Variants in PDE10A observed in about 807,000 individuals in gnomAD.
PDE10A encodes phosphodiesterase 10A.
Under a neutral mutation model 97.7 loss-of-function variants are expected in PDE10A, and 39 were observed. The observed-to-expected ratio is 0.40, with a 90% CI of 0.31 to 0.52. The LOEUF (loss-of-function observed/expected upper bound fraction) is 0.52. Among genes scored for constraint, PDE10A ranks in the 20% least tolerant of loss-of-function variants. The pLI, the probability that PDE10A is intolerant of heterozygous loss-of-function variation, is 0.56. For synonymous variants in PDE10A, 371 were observed against 376.8 expected (o/e 0.98, Z 0.18); for missense variants, 731 against 1,047.8 (o/e 0.70, Z 4.17).
intron 1 of PDE10A, among the ~76,000 whole-genome samples, chr6:165,835,880 T>G (rs1028846607): frequency 6.6e-6 from 1 of 152,150 alleles, no homozygotes; most frequent in African/African-American, 2.4e-5. Flanking sequence ...ATCATTTTTG[T>G]GGGTCAGAAA....
chr6:165,972,156 G>A (rs551061044), intron 1 of PDE10A, among the ~76,000 whole-genome samples: 1 of 152,342 alleles, frequency 6.6e-6, no homozygotes, highest in South Asian at 2.1e-4. Flanking sequence ...AGAATTAGGT[G>A]TGAAAAGTTT....
chr6:165,722,446 A>G (rs567334636), intron 1 of PDE10A, among the ~76,000 whole-genome samples: 2 of 152,266 alleles, frequency 1.3e-5, no homozygotes, highest in African/African-American at 4.8e-5. Context: ...CATGGATAGC[A>G]ACAAATCCTG....
At chr6:165,377,128 C>T (rs968252167) in intron 18 of PDE10A, among the ~76,000 whole-genome samples, 1 of 152,252 alleles carries the variant, frequency 6.6e-6, no homozygotes, top group Admixed American at 6.5e-5. Context: ...GATGTTATTG[C>T]ATACTTAGTA....
intron 1 of PDE10A, among the ~76,000 whole-genome samples, chr6:165,614,746 T>C (rs1037538960): frequency 1.3e-5 from 2 of 151,862 alleles, no homozygotes; most frequent in African/African-American, 4.8e-5. Flanking sequence ...GCTGATTAAA[T>C]GGCACAAAAT....
intron 13 of PDE10A, among the ~76,000 whole-genome samples, chr6:165,401,173 C>T (rs1006579093): frequency 1.3e-5 from 2 of 152,162 alleles, no homozygotes; most frequent in Admixed American, 1.3e-4. Context: ...TATCAATAAA[C>T]CTCAGTGAAA....
At chr6:165,798,020 C>A (rs1778875573) in intron 1 of PDE10A, among the ~76,000 whole-genome samples, 1 of 152,094 alleles carries the variant, frequency 6.6e-6, no homozygotes, top group Non-Finnish European at 1.5e-5. Flanking sequence ...AGTAATTTTG[C>A]CCTTTGTTTT....
intron 1 of PDE10A, among the ~76,000 whole-genome samples, chr6:165,835,318 C>T (rs764482380): frequency 2.6e-5 from 4 of 152,366 alleles, no homozygotes; most frequent in Middle Eastern, 3.4e-3. Context: ...TTCCTTTATA[C>T]GGATGGGCTT....
At position 165,774,713 on chromosome 6, in the gene PDE10A, C is replaced by T. The variant is rs74471526; in HGVS notation, c.-615+212816G>A. 2.0e-3 allele frequency: 295 copies of T among 149,530 alleles called. 1 individual carries two copies. The highest frequency in any genetic ancestry group is 6.9e-3 in the African/African-American group (285 of 41,018). 9.3% of individuals were successfully genotyped at this position (149,530 alleles called of 1,614,324 possible). A position where few individuals can be genotyped will look rare whatever the true frequency, so the allele number is the denominator to read the frequency against. ...GAAGGGCTGGGATGCTGAATCAGAT[C>T]TCTGATGCTACCAAGATTATTTTCT... On this transcript the variant is annotated intron_variant, in intron 1 of 19. Transcript: ENST00000366882.
intron 1 of PDE10A, among the ~76,000 whole-genome samples, chr6:165,759,938 C>T (rs530077715): frequency 6.6e-6 from 1 of 152,112 alleles, no homozygotes; most frequent in Non-Finnish European, 1.5e-5. Flanking sequence ...TTTTATGTTT[C>T]TTTTCCACTC....
chr6:165,617,695 A>T (rs1023223622), intron 1 of PDE10A, among the ~76,000 whole-genome samples: 3 of 152,146 alleles, frequency 2.0e-5, no homozygotes, highest in African/African-American at 7.2e-5. Context: ...AGACTAGGAA[A>T]GTCCCAGTTG....
At chr6:165,465,923 G>A (rs960185393) in intron 3 of PDE10A, among the ~76,000 whole-genome samples, 11 of 151,850 alleles carry the variant, frequency 7.2e-5, no homozygotes, top group Admixed American at 4.6e-4. Context: ...AAGAATGCTA[G>A]CACAGATGAC....
intron 2 of PDE10A, among the ~76,000 whole-genome samples, chr6:165,526,878 T>A (rs930769067): frequency 2.0e-5 from 3 of 152,210 alleles, no homozygotes; most frequent in African/African-American, 7.2e-5. Context: ...CAGGAGTATA[T>A]CACCTCTCCG....
At chr6:165,973,132 A>G (rs1203306921) in intron 1 of PDE10A, among the ~76,000 whole-genome samples, 1 of 152,202 alleles carries the variant, frequency 6.6e-6, no homozygotes, top group African/African-American at 2.4e-5. Context: ...CCAAAATGTG[A>G]TGGAGGCTGG....
chr6:165,665,177 T>C (rs1790467314), upstream of PDE10A, among the ~76,000 whole-genome samples: 1 of 152,244 alleles, frequency 6.6e-6, no homozygotes, highest in Non-Finnish European at 1.5e-5. Context: ...TCTGAAATTT[T>C]CATACATGAT....
At chr6:165,601,883 C>T (rs117573132) in intron 1 of PDE10A, among the ~76,000 whole-genome samples, 5,875 of 152,244 alleles carry the variant, frequency 0.039, 156 homozygotes, top group Middle Eastern at 0.092. Context: ...ACCGCAACAT[C>T]TCATCCCACC....
chr6:165,905,726 C>A (rs1282051159), intron 1 of PDE10A, among the ~76,000 whole-genome samples: 1 of 151,830 alleles, frequency 6.6e-6, no homozygotes, highest in East Asian at 1.9e-4. Flanking sequence ...TAAACACTTG[C>A]AAGTGCTAAA....
chr6:165,785,433 G>T (rs998239370), intron 1 of PDE10A, among the ~76,000 whole-genome samples: 1 of 152,184 alleles, frequency 6.6e-6, no homozygotes, highest in Non-Finnish European at 1.5e-5. Context: ...ACTCAAGAGG[G>T]TGCTTGATTA....
intron 1 of PDE10A, among the ~76,000 whole-genome samples, chr6:165,923,074 A>T (rs1436843509): frequency 2.0e-5 from 3 of 152,230 alleles, no homozygotes; most frequent in Non-Finnish European, 4.4e-5. Flanking sequence ...GCACTCTAAG[A>T]TGGAGAAAGG....
Position 165,425,770 on chromosome 6 carries a change from C to CATATGTGTGTGTGT in PDE10A, c.1653+2887_1653+2888insACACACACACATAT, listed in dbSNP as rs112669910. The stretch of plus-strand genomic sequence containing the variant: ...TGTCTCTAATTATAGAAGGCATGAT[C>CATATGTGTGTGTGT]GTGTGTGTGTGTGTGTGTGTGTGTG... On this transcript the variant is annotated intron_variant, in intron 10 of 21. Coordinates refer to ENST00000539869, the MANE Select transcript of PDE10A (RefSeq NM_001385079.1). Among the ~76,000 whole-genome samples the CATATGTGTGTGTGT allele has an allele frequency of 6.5e-3, 938 of 144,034 alleles. 7 individuals carry two copies. Among genetic ancestry groups the CATATGTGTGTGTGT allele is most frequent in the African/African-American group, 0.018 (687 of 38,188 alleles). 94.5% of individuals were successfully genotyped at this position (144,034 alleles called of 152,430 possible).
Sources: gnomAD v4.1 joint callset for allele counts (sites outside exome capture counted in the v4.1 genomes callset) on GRCh38, gnomAD v4.1.1 for gene constraint, MANE v1.5 for transcripts, NCBI Gene and HGNC (gene_info 2026-07-23, HGNC 2026-07-21) for gene names.